Variants in ABRAXAS1 observed in about 807,000 individuals in gnomAD.
ABRAXAS1 encodes BRCA1-A complex subunit Abraxas 1.
In ABRAXAS1, 26 loss-of-function variants were observed where a neutral mutation model predicts 38.4. That is an observed-to-expected ratio of 0.68 (90% CI 0.50 to 0.94). The LOEUF (loss-of-function observed/expected upper bound fraction) is 0.94. Among genes scored for constraint, ABRAXAS1 ranks in the 40% least tolerant of loss-of-function variants. The pLI, the probability that ABRAXAS1 is intolerant of heterozygous loss-of-function variation, is 0.00. For missense variants in ABRAXAS1, 438 were observed against 481.9 expected, an observed-to-expected ratio of 0.91 and a Z score of 0.85; for synonymous variants, 144 against 165.5, an observed-to-expected ratio of 0.87 and a Z score of 1.00.
chr4:83,464,682 CAG>C (rs759002230), intron 7 of ABRAXAS1, among the ~76,000 whole-genome samples: 37 of 152,294 alleles, frequency 2.4e-4, no homozygotes, highest in African/African-American at 7.5e-4. Flanking sequence ...CTGACCCAAA[CAG>C]AACCAATGAG....
chr4:83,473,810 C>T (rs1722670085), intron 3 of ABRAXAS1, among the ~76,000 whole-genome samples: 1 of 151,636 alleles, frequency 6.6e-6, no homozygotes. Flanking sequence ...CCACCATGAC[C>T]CACCTGCATA....
chr4:83,474,836 A>C (rs1054685728), intron 3 of ABRAXAS1, among the ~76,000 whole-genome samples: 3 of 152,286 alleles, frequency 2.0e-5, no homozygotes, highest in South Asian at 4.1e-4. Context: ...GCATAGTATG[A>C]TGCTGGATTA....
chr4:83,469,219 T>C (rs1298725166), intron 5 of ABRAXAS1, 68 bp from the exon 6 acceptor site: 3 of 1,364,658 alleles, frequency 2.2e-6, no homozygotes, highest in South Asian at 2.4e-5. Context: ...CCTGCTGGAA[T>C]AGATTACTTG....
At chr4:83,472,549 C>T (rs1456026397) in intron 3 of ABRAXAS1, among the ~76,000 whole-genome samples, 3 of 151,922 alleles carry the variant, frequency 2.0e-5, no homozygotes, top group Non-Finnish European at 4.4e-5. Context: ...TTTTTTTGAA[C>T]CTAAAACAGT....
chr4:83,480,287 G>T (rs1048888195), intron 2 of ABRAXAS1: 6 of 358,270 alleles, frequency 1.7e-5, no homozygotes, highest in African/African-American at 1.1e-4. Flanking sequence ...CAGGAGAATC[G>T]CTTGACCTCG....
intron 6 of ABRAXAS1, 49 bp downstream of exon 6, chr4:83,468,983 T>G (rs1722482330): frequency 6.3e-7 from 1 of 1,584,116 alleles, no homozygotes; most frequent in Non-Finnish European, 8.6e-7. Context: ...ATAAGAAAAT[T>G]AATTTCAAAG....
chr4:83,479,730 G>A, intron 2 of ABRAXAS1: 1 of 154,030 alleles, frequency 6.5e-6, no homozygotes, highest in Non-Finnish European at 1.4e-5. Flanking sequence ...ACTTTGTAAT[G>A]ACAGGAGGAT....
At chr4:83,466,578 C>G (rs1262709790) in intron 7 of ABRAXAS1, among the ~76,000 whole-genome samples, 4 of 151,910 alleles carry the variant, frequency 2.6e-5, no homozygotes, top group Non-Finnish European at 5.9e-5. Flanking sequence ...TTCTGTTGCC[C>G]AGGCTGGAGT....
chr4:83,485,049 C>G lies in ABRAXAS1; in HGVS notation c.24G>C (p.Ala8=), dbSNP rs1419735220. 1 of 1,594,008 alleles carries G rather than the reference C, an allele frequency of 6.3e-7. No homozygotes were observed. Among genetic ancestry groups the G allele is most frequent in the South Asian group, 1.1e-5 (1 of 88,964 alleles). Residue 8 remains alanine (A), a synonymous_variant, in exon 1 of 9, where the codon GCG becomes GCC. Coordinates refer to ENST00000321945, the MANE Select transcript of ABRAXAS1 (RefSeq NM_139076.3). The stretch of plus-strand genomic sequence containing the variant: ...CGCCGAGCACAAAGCCCGAGAGCAC[C>G]GCCGACGTACTCTCCCCCTCCATGC... The part of the protein sequence containing the change: MEGESTS[A]VLSGFVLGAL...
At chr4:83,480,409 C>G in intron 2 of ABRAXAS1, 2 of 370,442 alleles carry the variant, frequency 5.4e-6, no homozygotes, top group Admixed American at 6.4e-5. Context: ...CATATATATA[C>G]ACACACACAT....
At chr4:83,481,262 CAT>C (rs1473109775) in intron 2 of ABRAXAS1, among the ~76,000 whole-genome samples, 3 of 152,246 alleles carry the variant, frequency 2.0e-5, no homozygotes, top group Admixed American at 2.0e-4. Context: ...AATACATACA[CAT>C]ATATAGAGAA....
In ABRAXAS1 at chr4:83,462,106, T is replaced by C. The variant is rs551563587; in HGVS notation, c.*363A>G. On this transcript the variant is annotated 3_prime_UTR_variant, in exon 9 of 9. Transcript: ENST00000321945. ...CATGGTCTCAATACGTTGCCCAGGC[T>C]GGTCTCTAACTCCTAACTTCAATCA... is the stretch of plus-strand genomic sequence containing the variant. 74 of 244,982 alleles carry C rather than the reference T, an allele frequency of 3.0e-4. No homozygotes were observed. Among genetic ancestry groups the C allele is most frequent in the African/African-American group, 1.6e-3 (71 of 45,802 alleles). The allele number at this position is 244,982 out of a possible 1,614,324, so 15.2% of individuals were successfully genotyped here.
chr4:83,482,348 C>T, intron 1 of ABRAXAS1, 104 bp from the exon 2 acceptor site: 1 of 599,882 alleles, frequency 1.7e-6, no homozygotes, highest in South Asian at 2.4e-5. Context: ...ATATGTGCTA[C>T]CAGTCGGGGG....
intron 2 of ABRAXAS1, chr4:83,477,932 A>G: frequency 1.2e-6 from 1 of 820,366 alleles, no homozygotes; most frequent in South Asian, 1.3e-5. Context: ...AGCCAATCCC[A>G]CCGATGTTCT....
intron 1 of ABRAXAS1, among the ~76,000 whole-genome samples, chr4:83,483,070 A>G (rs1396573742): frequency 6.6e-6 from 1 of 152,212 alleles, no homozygotes; most frequent in Non-Finnish European, 1.5e-5. Context: ...TGACAAGATT[A>G]GTGTTTTCTG....
rs1722610282 is a variant in ABRAXAS1 at position 83,472,202 on chromosome 4, G to A, written c.282+20C>T. On this transcript the variant is annotated intron_variant, in intron 4 of 8. Transcript: ENST00000321945. ...CAATGCAAATAATACCAAAAAAAGGGAAGATAAATTAGAGAATACCTTTTT... is the reference window on the plus strand; with the variant it reads ...CAATGCAAATAATACCAAAAAAAGGAAAGATAAATTAGAGAATACCTTTTT... 7 of 1,437,566 alleles carry A rather than the reference G, an allele frequency of 4.9e-6. No homozygotes were observed. Among genetic ancestry groups the A allele is most frequent in the Non-Finnish European group, 6.6e-6 (7 of 1,067,494 alleles). 89.1% of individuals were successfully genotyped at this position (1,437,566 alleles called of 1,614,324 possible). A position where few individuals can be genotyped will look rare whatever the true frequency, so the allele number is the denominator to read the frequency against.
Position 83,475,444 on chromosome 4 carries a change from A to G in ABRAXAS1, c.215+1199T>C, listed in dbSNP as rs114197073. Among the ~76,000 whole-genome samples, 568 of 152,020 alleles carry G rather than the reference A, an allele frequency of 3.7e-3. 5 individuals are homozygous for G. The highest frequency in any genetic ancestry group is 0.013 in the African/African-American group (536 of 41,466). ...CATAGTCTGTAAGATAGTTATGCTG[A>G]TTTTTCTTTTCCTTTTTTTGGAGAC... is the stretch of plus-strand genomic sequence containing the variant. On this transcript the variant is annotated intron_variant, in intron 3 of 8. Transcript: ENST00000321945.
In ABRAXAS1 at chr4:83,470,206, T is replaced by A. The variant is rs1445851548; in HGVS notation, c.473A>T (p.Lys158Ile). 1.2e-5 allele frequency: 19 copies of A among 1,609,564 alleles called. No individual in the cohort carries two copies. Among genetic ancestry groups the A allele is most frequent in the Admixed American group, 1.7e-5 (1 of 59,412 alleles). Residue 158 changes from lysine (K) to isoleucine (I), a missense_variant, in exon 5 of 9, where the codon AAA (lysine) becomes ATA (isoleucine). Lys to Ile is a moderately radical substitution (Grantham distance 102). Transcript: ENST00000321945. The stretch of plus-strand genomic sequence containing the variant: ...CCAGTGACTGGCCAACATTTACCCT[T>A]TTTGAGGTTTATATAAGGAATGTTC... ...RLEHSLYKPQ[K>I]GLFHRVPLVV... is the part of the protein sequence containing the mutation.
At position 83,472,222 on chromosome 4, in the gene ABRAXAS1, CT is replaced by C; in HGVS notation, c.281del (p.Lys94ArgfsTer4). 3 of 1,508,402 alleles carry C rather than the reference CT, an allele frequency of 2.0e-6. No individual in the cohort carries two copies. The highest frequency in any genetic ancestry group is 2.6e-5 in the South Asian group (2 of 75,822). The allele number at this position is 1,508,402 out of a possible 1,614,324, so 93.4% of individuals were successfully genotyped here. Reference sequence around the variant, plus strand: ...AAAGGGAAGATAAATTAGAGAATACCTTTTTGACATTTGATAATATTTTCTT... The same window carrying C: ...AAAGGGAAGATAAATTAGAGAATACCTTTTGACATTTGATAATATTTTCTT... ...ALKKILSNVKKNVVGWYKFRR... is the reference protein window; with the variant it reads ...ALKKILSNVKXNVVGWYKFRR... On this transcript the variant is annotated frameshift_variant and splice_region_variant, in exon 4 of 9. Transcript: ENST00000321945. LOFTEE classifies it high-confidence loss of function.
Sources: gnomAD v4.1 joint callset for allele counts (sites outside exome capture counted in the v4.1 genomes callset) on GRCh38, gnomAD v4.1.1 for gene constraint, MANE v1.5 for transcripts, NCBI Gene and HGNC (gene_info 2026-07-23, HGNC 2026-07-21) for gene names.